HADHA: variants seen among roughly 807,000 people sequenced by gnomAD.
HADHA encodes hydroxyacyl-CoA dehydrogenase trifunctional multienzyme complex subunit alpha.
HADHA carries 59 observed loss-of-function variants against 91.3 expected under a neutral mutation model. The ratio of observed to expected loss-of-function variants is 0.65; its 90% CI spans 0.52 to 0.80. The LOEUF (loss-of-function observed/expected upper bound fraction) is 0.80, where lower values mean the gene tolerates loss of function less well. HADHA is among the 30% of genes least tolerant of loss of function. HADHA has a pLI of 0.00. For synonymous variants in HADHA, 320 were observed against 338.9 expected (o/e 0.94, Z 0.61); for missense variants, 800 against 927.6 (o/e 0.86, Z 1.79).
At chr2:26,197,849 T>C (rs1324816624) in intron 13 of HADHA, 72 bp from the exon 14 acceptor site, 5 of 809,752 alleles carry the variant, frequency 6.2e-6, no homozygotes, top group South Asian at 1.3e-5. Context: ...TCAAAGCTAA[T>C]GAGTGACACC....
chr2:26,227,207 C>A (rs371984068), intron 7 of HADHA, among the ~76,000 whole-genome samples: 1 of 151,846 alleles, frequency 6.6e-6, no homozygotes, highest in African/African-American at 2.4e-5. Flanking sequence ...ATATAAAAAC[C>A]ACAATGAAAT....
chr2:26,201,138 C>T lies in HADHA; in HGVS notation c.1392+11G>A, dbSNP rs781030504. ...TACACTAGGATTCAAGTACAACAGCCCCTTGCTTACCGCTTCTACTTCCTT... is the reference window on the plus strand; with the variant it reads ...TACACTAGGATTCAAGTACAACAGCTCCTTGCTTACCGCTTCTACTTCCTT... On this transcript the variant is annotated intron_variant, in intron 13 of 19. Transcript: ENST00000380649. The T allele has an allele frequency of 3.7e-5, 60 of 1,600,654 alleles. No individual in the cohort carries two copies. Among genetic ancestry groups the T allele is most frequent in the Admixed American group, 1.2e-4 (7 of 59,990 alleles).
intron 9 of HADHA, among the ~76,000 whole-genome samples, chr2:26,213,452 T>C (rs1481335369): frequency 6.6e-6 from 1 of 152,242 alleles, no homozygotes; most frequent in Non-Finnish European, 1.5e-5. Flanking sequence ...CCAGCTTCAA[T>C]CTGCCTTTCT....
At position 26,204,086 on chromosome 2, in the gene HADHA, C is replaced by T. The variant is rs200715496; in HGVS notation, c.1196G>A (p.Arg399Gln). 32 of 1,613,864 alleles carry T rather than the reference C, an allele frequency of 2.0e-5. No individual in the cohort carries two copies. The highest frequency in any genetic ancestry group is 8.8e-5 in the South Asian group (8 of 91,082). Residue 399 changes from arginine to glutamine, a missense_variant, in exon 12 of 20, where the codon CGA becomes CAA. Arg to Gln is a conservative substitution (Grantham distance 43). Transcript: ENST00000380649. ...LKDATLTALD[R>Q]GQQQVFKGLN... ...CCCTTTGAACACTTGTTGCTGTCCT[C>T]GGTCTAGCGCAGTGAGGGTGGCATC...
At chr2:26,197,536 C>G (rs780533717) in intron 14 of HADHA, among the ~76,000 whole-genome samples, 155 bp downstream of exon 14, 1 of 152,206 alleles carries the variant, frequency 6.6e-6, no homozygotes, top group Non-Finnish European at 1.5e-5. Context: ...GCATCTCACA[C>G]TAGTCATGGT....
chr2:26,243,793 G>A (rs1670985752), intron 1 of HADHA, among the ~76,000 whole-genome samples: 1 of 152,164 alleles, frequency 6.6e-6, no homozygotes, highest in Non-Finnish European at 1.5e-5. Flanking sequence ...CCCTTTCACT[G>A]CCAGTTTGAA....
At chr2:26,226,896 G>C (rs1416294094) in intron 7 of HADHA, among the ~76,000 whole-genome samples, 2 of 152,114 alleles carry the variant, frequency 1.3e-5, no homozygotes, top group African/African-American at 4.8e-5. Context: ...TCTTGAGTTA[G>C]AGAAATATTT....
chr2:26,204,216 T>A lies in HADHA; in HGVS notation c.1086-20A>T, dbSNP rs1409859319. ...AGATGCCTGCAAGGCAAGGATGAAATGACTTTCGGTAAACTGATCTTAATC... is the reference window on the plus strand; with the variant it reads ...AGATGCCTGCAAGGCAAGGATGAAAAGACTTTCGGTAAACTGATCTTAATC... On this transcript the variant is annotated intron_variant, in intron 11 of 19. Transcript: ENST00000380649. 6.2e-7 allele frequency: 1 copy of A among 1,612,588 alleles called. No individual in the cohort carries two copies. Among genetic ancestry groups the A allele is most frequent in the Admixed American group, 1.7e-5 (1 of 60,004 alleles).
chr2:26,206,312 T>A (rs1669970389), intron 11 of HADHA, among the ~76,000 whole-genome samples: 1 of 150,652 alleles, frequency 6.6e-6, no homozygotes, highest in African/African-American at 2.4e-5. Context: ...CATTGCAACC[T>A]CTGCCTCCCA....
intron 7 of HADHA, among the ~76,000 whole-genome samples, chr2:26,224,846 G>T (rs1261023333): frequency 2.0e-5 from 3 of 152,156 alleles, no homozygotes; most frequent in Non-Finnish European, 4.4e-5. Flanking sequence ...TACTATGAAG[G>T]TATTTTATAA....
intron 11 of HADHA, among the ~76,000 whole-genome samples, chr2:26,206,742 A>G (rs1669981518): frequency 6.6e-6 from 1 of 152,206 alleles, no homozygotes; most frequent in Non-Finnish European, 1.5e-5. Flanking sequence ...CTATATAATA[A>G]TGTTTGTAAT....
chr2:26,223,677 AC>A (rs1186537929), intron 7 of HADHA, among the ~76,000 whole-genome samples: 1 of 152,112 alleles, frequency 6.6e-6, no homozygotes, highest in African/African-American at 2.4e-5. Context: ...TTATATGGGG[AC>A]TTTGGCTGAG....
chr2:26,208,478 C>G (rs779816976), intron 11 of HADHA, among the ~76,000 whole-genome samples: 46 of 152,026 alleles, frequency 3.0e-4, no homozygotes, highest in Non-Finnish European at 6.2e-4. Flanking sequence ...TTAAGAGTAC[C>G]CTCTTCTGTT....
In HADHA at chr2:26,215,073, C is replaced by G; in HGVS notation, c.779G>C (p.Arg260Thr). 6.2e-7 allele frequency: 1 copy of G among 1,610,732 alleles called. No individual in the cohort carries two copies. Among genetic ancestry groups the G allele is most frequent in the Non-Finnish European group, 8.5e-7 (1 of 1,176,912 alleles). The change falls in exon 8 of 20, where the codon AGA becomes ACA. Residue 260 changes from arginine (R) to threonine (T), a missense_variant. Physicochemically the swap from Arg to Thr is moderately conservative, Grantham distance 71 (BLOSUM62 -1). Coordinates refer to ENST00000380649, the MANE Select transcript of HADHA (RefSeq NM_000182.5). ...CTCACTTTCCACCAATCCCTTGTCT[C>G]TCTTTGGAGAGATCTTCTTATCAGC... is the stretch of plus-strand genomic sequence containing the variant. ...GLADKKISPK[R>T]DKGLVEKLTA... is the part of the protein sequence containing the mutation.
chr2:26,237,011 G>A, intron 3 of HADHA, 23 bp from the exon 4 acceptor site: 2 of 1,583,212 alleles, frequency 1.3e-6, no homozygotes, highest in Non-Finnish European at 8.7e-7. Flanking sequence ...AATATATACA[G>A]GTAAGGGTTT....
At chr2:26,232,092 A>C (rs755495737) in intron 6 of HADHA, 68 bp downstream of exon 6, 2 of 1,102,436 alleles carry the variant, frequency 1.8e-6, no homozygotes, top group Admixed American at 3.4e-5. Flanking sequence ...TGCCCATATT[A>C]TGCATTTTAT....
chr2:26,193,507 CT>C (rs1669572465), intron 17 of HADHA, 69 bp downstream of exon 17: 2 of 1,275,274 alleles, frequency 1.6e-6, no homozygotes, highest in Non-Finnish European at 2.3e-6. Context: ...TTCTGTAACT[CT>C]TTGGTCTCAG....
chr2:26,213,130 A>G (rs1670141780), intron 9 of HADHA, among the ~76,000 whole-genome samples: 1 of 152,226 alleles, frequency 6.6e-6, no homozygotes, highest in Non-Finnish European at 1.5e-5. Flanking sequence ...GCAAATTGAC[A>G]TCTCTAACTC....
In HADHA at chr2:26,210,910, T is replaced by C. The variant is rs764579339; in HGVS notation, c.976-1021A>G. The C allele has an allele frequency of 6.6e-6, 1 of 152,218 alleles. No homozygotes were observed. The highest frequency in any genetic ancestry group is 2.4e-5 in the African/African-American group (1 of 41,462). 9.4% of individuals were successfully genotyped at this position (152,218 alleles called of 1,614,324 possible). On this transcript the variant is annotated intron_variant, in intron 10 of 19. Transcript: ENST00000380649. This position sits in a 1 kb window ranked among gnomAD's most constrained non-coding sequence, Gnocchi z 4.0. ...ATGACCAGGGTCTCAAGGTTAGCTA[T>C]TATTAATATCACTAGGATATAATGG...
Sources: gnomAD v4.1 joint callset for allele counts (sites outside exome capture counted in the v4.1 genomes callset) on GRCh38, gnomAD v4.1.1 for gene constraint, Gnocchi (gnomAD v3.1) non-coding constraint, MANE v1.5 for transcripts, NCBI Gene and HGNC (gene_info 2026-07-23, HGNC 2026-07-21) for gene names.